MORN3: variants seen among roughly 807,000 people sequenced by gnomAD.
The protein encoded by MORN3 is MORN repeat containing 3.
A neutral mutation model predicts 34.7 loss-of-function variants in MORN3; 38 were observed. The ratio of observed to expected loss-of-function variants is 1.10; its 90% confidence interval spans 0.85 to 1.44. The LOEUF (loss-of-function observed/expected upper bound fraction) is 1.44. Ranked by LOEUF, MORN3 falls within the 40% of genes most tolerant of loss-of-function variation. The pLI is 0.00. For missense variants in MORN3, 311 were observed against 321.7 expected (o/e 0.97, Z 0.25); for synonymous variants, 109 against 115.3 (o/e 0.95, Z 0.35).
At chr12:121,659,085 C>G in intron 2 of MORN3, 106 bp downstream of exon 2, 24 of 1,407,174 alleles carry the variant, frequency 1.7e-5, no homozygotes, top group Non-Finnish European at 2.1e-5. Flanking sequence ...CTGTAGACCT[C>G]CCCTCTCTTT....
At chr12:121,658,710 C>G (rs56286447) in intron 2 of MORN3, among the ~76,000 whole-genome samples, 5,027 of 150,848 alleles carry the variant, frequency 0.033, 212 homozygotes, top group East Asian at 0.11. Context: ...TGGAGGGAAC[C>G]TGTGCCCAGC....
At chr12:121,670,680 G>A (rs149482004), upstream of MORN3, among the ~76,000 whole-genome samples, 3 of 151,842 alleles carry the variant, frequency 2.0e-5, no homozygotes, top group South Asian at 2.1e-4. Context: ...CTGGTGGTAC[G>A]CGCCTGTAAT....
intron 5 of MORN3, 121 bp downstream of exon 5, chr12:121,652,607 G>T: frequency 4.8e-6 from 4 of 830,944 alleles, no homozygotes; most frequent in Non-Finnish European, 7.9e-6. Flanking sequence ...GCCCTCGATG[G>T]TCTTGCTCCC....
rs1313971218 is a variant in MORN3, at chr12:121,651,058, G to A, written c.*593C>T. On this transcript the variant is annotated 3_prime_UTR_variant, in exon 6 of 6. Transcript: ENST00000355329. ...GTGGCAGGATACAGGCCTTCTCTCTGGGTCATCTGGGTTATCTCACAGGGG... is the reference window on the plus strand; with the variant it reads ...GTGGCAGGATACAGGCCTTCTCTCTAGGTCATCTGGGTTATCTCACAGGGG... The A allele has an allele frequency of 1.3e-5, 2 of 152,110 alleles. No individual in the cohort carries two copies. The highest frequency in any genetic ancestry group is 2.9e-5 in the Non-Finnish European group (2 of 68,048). 9.4% of individuals were successfully genotyped at this position (152,110 alleles called of 1,614,324 possible).
chr12:121,662,505 C>T (rs997910790), intron 1 of MORN3, among the ~76,000 whole-genome samples: 1 of 151,986 alleles, frequency 6.6e-6, no homozygotes, highest in African/African-American at 2.4e-5. Context: ...TCTGTAATCC[C>T]AGCACTTTGG....
At chr12:121,671,583 A>G (rs1323537231), upstream of MORN3, among the ~76,000 whole-genome samples, 1 of 151,626 alleles carries the variant, frequency 6.6e-6, no homozygotes, top group Non-Finnish European at 1.5e-5. Context: ...GTCTCTGTTA[A>G]AAATAGGAAT....
At position 121,654,293 on chromosome 12, in the gene MORN3, C is replaced by G. The variant is rs782734418; in HGVS notation, c.444G>C (p.Gly148=). 1 of 1,589,934 alleles carries G rather than the reference C, an allele frequency of 6.3e-7. No individual in the cohort carries two copies. The change falls in exon 3 of 6, where the codon GGG becomes GGC. Residue 148 remains glycine (G), a synonymous_variant. Coordinates refer to ENST00000355329, the MANE Select transcript of MORN3 (RefSeq NM_173855.5). ...ACTCACTCAGGCGCAGCATGCCCTC[C>G]CCGTTGGGCTTGTCGTTCTCCCACT... is the stretch of plus-strand genomic sequence containing the variant. The part of the protein sequence containing the change: ...EGQWENDKPN[G]EGMLRLKNGN...
chr12:121,669,325 G>A lies in MORN3; in HGVS notation c.145+14C>T, dbSNP rs558721817. 43 of 1,612,278 alleles carry A rather than the reference G, an allele frequency of 2.7e-5. No homozygotes were observed. The East Asian group carries it at 6.7e-4, about 25-fold the overall frequency. On this transcript the variant is annotated intron_variant, in intron 1 of 5. Coordinates refer to ENST00000355329, the MANE Select transcript of MORN3 (RefSeq NM_173855.5). ...TGACCCCACTCCGGCCGCCCGTCCC[G>A]GAGTCCCACTCACCGTGTTTCACGT...
chr12:121,662,693 T>C lies in MORN3; in HGVS notation c.146-3345A>G, dbSNP rs575409694. ...CTCTTGAACCAGGAGGCGGAGGTTG[T>C]AGTGAGCCGAGATCGCAACACTGCA... On this transcript the variant is annotated intron_variant, in intron 1 of 5. Coordinates refer to ENST00000355329, the MANE Select transcript of MORN3 (RefSeq NM_173855.5). 6.6e-5 allele frequency among the ~76,000 whole-genome samples: 10 copies of C among 150,452 alleles called. No homozygotes were observed. The South Asian group carries it at 2.1e-3, about 32-fold the overall frequency.
intron 2 of MORN3, among the ~76,000 whole-genome samples, chr12:121,655,361 T>C (rs1893386398): frequency 6.7e-6 from 1 of 150,082 alleles, no homozygotes; most frequent in Non-Finnish European, 1.5e-5. Context: ...AAATCGCCCA[T>C]CTGATCATGC....
chr12:121,653,490 AGCTACTCTGGAG>A (rs1893314213), intron 3 of MORN3, among the ~76,000 whole-genome samples: 1 of 152,004 alleles, frequency 6.6e-6, no homozygotes, highest in African/African-American at 2.4e-5. Flanking sequence ...CTATAGTCCC[AGCTACTCTGGAG>A]GCTGAGGTGG....
Position 121,659,318 on chromosome 12 carries a change from C to T in MORN3, c.176G>A (p.Gly59Glu), listed in dbSNP as rs1202410237. The T allele has an allele frequency of 6.2e-7, 1 of 1,613,966 alleles. No homozygotes were observed. ...CTTCCAGTCCCCCTCATAGATGGCT[C>T]CTTTCTTCTTCCAGACCTGTGTTCC... ...GKGTQVWKKKGAIYEGDWKFG... is the reference protein window; with the variant it reads ...GKGTQVWKKKEAIYEGDWKFG... Residue 59 changes from glycine to glutamate, a missense_variant, in exon 2 of 6, where the codon GGA (glycine) becomes GAA (glutamate). Coordinates refer to ENST00000355329, the MANE Select transcript of MORN3 (RefSeq NM_173855.5).
At chr12:121,652,994 A>T in intron 4 of MORN3, 81 bp downstream of exon 4, 3 of 1,497,242 alleles carry the variant, frequency 2.0e-6, no homozygotes, top group Non-Finnish European at 2.7e-6. Flanking sequence ...GGCCTGGCAG[A>T]TCTGGCCTGG....
Position 121,669,570 on chromosome 12 carries a change from T to C in MORN3, c.-87A>G. ...CGCGCCCCGTGTAATGCCGGGATCC[T>C]GAGCTCAAGTGGGGAGAGTCATGTG... On this transcript the variant is annotated 5_prime_UTR_variant, in exon 1 of 6. Coordinates refer to ENST00000355329, the MANE Select transcript of MORN3 (RefSeq NM_173855.5). The C allele has an allele frequency of 1.3e-6, 2 of 1,553,916 alleles. No homozygotes were observed. Among genetic ancestry groups the C allele is most frequent in the Non-Finnish European group, 1.8e-6 (2 of 1,140,468 alleles).
At chr12:121,652,675 C>A in intron 5 of MORN3, 53 bp downstream of exon 5, 2 of 1,549,572 alleles carry the variant, frequency 1.3e-6, no homozygotes, top group Non-Finnish European at 1.8e-6. Context: ...TTGTTCTGGG[C>A]CCTGGAGCAG....
chr12:121,669,953 A>C (rs1893908074), upstream of MORN3, among the ~76,000 whole-genome samples: 1 of 151,380 alleles, frequency 6.6e-6, no homozygotes, highest in African/African-American at 2.4e-5. Context: ...GGCTTACTAC[A>C]ACCTCTGCCT....
At chr12:121,658,733 G>A (rs1178669431) in intron 2 of MORN3, among the ~76,000 whole-genome samples, 1 of 152,042 alleles carries the variant, frequency 6.6e-6, no homozygotes, top group Non-Finnish European at 1.5e-5. Flanking sequence ...GGGTGTTTCC[G>A]GGCTGAGCAC....
intron 1 of MORN3, among the ~76,000 whole-genome samples, chr12:121,667,326 TCA>T (rs1208684632): frequency 2.0e-5 from 3 of 151,946 alleles, no homozygotes; most frequent in Admixed American, 2.0e-4. Flanking sequence ...TGATATTGGC[TCA>T]CTGTAACCTC....
At chr12:121,664,574 C>G (rs1264358483) in intron 1 of MORN3, among the ~76,000 whole-genome samples, 1 of 152,198 alleles carries the variant, frequency 6.6e-6, no homozygotes, top group Non-Finnish European at 1.5e-5. Flanking sequence ...GCCTGGCCAA[C>G]ATGGCGAAAT....
Sources: allele counts gnomAD v4.1 joint callset (sites outside exome capture counted in the v4.1 genomes callset), GRCh38; gene constraint gnomAD v4.1.1; transcripts MANE v1.5; gene names NCBI Gene and HGNC (gene_info 2026-07-23, HGNC 2026-07-21).